The following POGLUT3 variants were observed in gnomAD, a reference collection of about 807,000 sequenced individuals.
The protein encoded by POGLUT3 is protein O-glucosyltransferase 3, also known as KDEL (Lys-Asp-Glu-Leu) containing 2.
POGLUT3 carries 48 observed loss-of-function variants against 54.3 expected under a neutral mutation model. That is an observed-to-expected ratio of 0.88 (90% CI 0.70 to 1.12). POGLUT3 has a LOEUF of 1.12. Among genes scored for constraint, POGLUT3 ranks in the 50% most tolerant of loss-of-function variants. The pLI is 0.00. For missense variants in POGLUT3, 629 were observed against 618.7 expected, an observed-to-expected ratio of 1.02 and a Z score of -0.18; for synonymous variants, 218 against 237.4, an observed-to-expected ratio of 0.92 and a Z score of 0.75.
At chr11:108,476,344 G>T (rs1279698037) in intron 7 of POGLUT3, among the ~76,000 whole-genome samples, 2 of 152,054 alleles carry the variant, frequency 1.3e-5, no homozygotes, top group African/African-American at 4.8e-5. Flanking sequence ...TGATGGCCAG[G>T]CTGGTCTTGA....
chr11:108,475,849 T>C (rs1021138790), intron 7 of POGLUT3, among the ~76,000 whole-genome samples: 1 of 152,098 alleles, frequency 6.6e-6, no homozygotes, highest in Non-Finnish European at 1.5e-5. Flanking sequence ...CAACAAAATG[T>C]TGACACAGTA....
rs1268350455 is a variant in POGLUT3, at chr11:108,474,393, T to G, written c.*434A>C. On this transcript the variant is annotated 3_prime_UTR_variant, in exon 8 of 8. Coordinates refer to ENST00000323468, the MANE Select transcript of POGLUT3 (RefSeq NM_153705.5). ...AAATACCCCAAAATCCAAAACTTTT[T>G]GAGTGCTGACACCACCACTTGGGTC... 6.6e-6 allele frequency: 1 copy of G among 152,316 alleles called. No individual in the cohort carries two copies. Among genetic ancestry groups the G allele is most frequent in the Non-Finnish European group, 1.5e-5 (1 of 68,110 alleles). The allele number at this position is 152,316 out of a possible 1,614,324, so 9.4% of individuals were successfully genotyped here. A position where few individuals can be genotyped will look rare whatever the true frequency, so the allele number is the denominator to read the frequency against.
intron 6 of POGLUT3, 141 bp downstream of exon 6, chr11:108,479,160 A>G (rs1309958672): frequency 8.3e-6 from 5 of 605,054 alleles, no homozygotes; most frequent in Non-Finnish European, 1.4e-5. Context: ...GATTCTTTAG[A>G]TATTTCAAGG....
intron 3 of POGLUT3, among the ~76,000 whole-genome samples, chr11:108,483,647 C>A (rs1243425574): frequency 1.3e-5 from 2 of 151,950 alleles, no homozygotes; most frequent in Admixed American, 6.6e-5. Flanking sequence ...GAATATTCAC[C>A]CTCTTGCTTC....
chr11:108,473,008 T>C lies in POGLUT3; in HGVS notation c.*1819A>G, dbSNP rs1218926517. 1 of 152,212 alleles carries C rather than the reference T, an allele frequency of 6.6e-6. No individual in the cohort carries two copies. The highest frequency in any genetic ancestry group is 6.5e-5 in the Admixed American group (1 of 15,270). The allele number at this position is 152,212 out of a possible 1,614,324, so 9.4% of individuals were successfully genotyped here. ...GTAACCACTTTAAAAATAGTTACAT[T>C]GTTTTCCAGATTAAGTAAATATTTC... On this transcript the variant is annotated 3_prime_UTR_variant, in exon 8 of 8. Coordinates refer to ENST00000323468, the MANE Select transcript of POGLUT3 (RefSeq NM_153705.5).
At chr11:108,486,504 C>A in intron 2 of POGLUT3, 64 bp from the exon 3 acceptor site, 1 of 1,478,992 alleles carries the variant, frequency 6.8e-7, no homozygotes, top group Admixed American at 1.9e-5. Context: ...CAGGGAGTCA[C>A]TTCTGTCTCT....
intron 2 of POGLUT3, 52 bp from the exon 3 acceptor site, chr11:108,486,492 C>T (rs1157096120): frequency 6.5e-7 from 1 of 1,542,096 alleles, no homozygotes; most frequent in African/African-American, 1.4e-5. Context: ...AGCACCACAA[C>T]ACAGGGAGTC....
At chr11:108,498,036 T>C (rs2093625454) in intron 1 of POGLUT3, 129 bp downstream of exon 1, 1 of 748,572 alleles carries the variant, frequency 1.3e-6, no homozygotes, top group Non-Finnish European at 2.0e-6. Context: ...GAAGAGGAGC[T>C]GACCAGACCC....
At chr11:108,475,104 G>A in intron 7 of POGLUT3, 152 bp from the exon 8 acceptor site, 1 of 749,320 alleles carries the variant, frequency 1.3e-6, no homozygotes, top group Non-Finnish European at 2.2e-6. Flanking sequence ...CAGTCCTAAA[G>A]TTACATTTTA....
chr11:108,475,463 GTTTTTGTT>G (rs1212341421), intron 7 of POGLUT3, among the ~76,000 whole-genome samples: 2 of 109,926 alleles, frequency 1.8e-5, no homozygotes, highest in Non-Finnish European at 3.6e-5. Flanking sequence ...AGTTTTTTTT[GTTTTTGTT>G]TTTTTTTTTT....
At position 108,481,240 on chromosome 11, in the gene POGLUT3, G is replaced by A; in HGVS notation, c.1038C>T (p.Phe346=). ...TTCCAAGCTCCTTTTCTTTCTCTTG[G>A]AAAAAGAAATATCCTGTAATTCCTG... ...LDAGITGYFF[F]QEKEKELGKA... Residue 346 remains phenylalanine (F), a synonymous_variant, in exon 5 of 8, where the codon TTC becomes TTT. Transcript: ENST00000323468. 1 of 1,611,344 alleles carries A rather than the reference G, an allele frequency of 6.2e-7. No homozygotes were observed. Among genetic ancestry groups the A allele is most frequent in the South Asian group, 1.1e-5 (1 of 90,560 alleles).
Position 108,486,458 on chromosome 11 carries a change from G to C in POGLUT3, c.401-18C>G. ...CACTGGTCCTAGGGAAGGAAAACAT[G>C]AAAAAGGCCGCACTCCATTAGCAAG... is the stretch of plus-strand genomic sequence containing the variant. On this transcript the variant is annotated intron_variant, in intron 2 of 7. Transcript: ENST00000323468. 6.2e-7 allele frequency: 1 copy of C among 1,608,036 alleles called. No homozygotes were observed. Among genetic ancestry groups the C allele is most frequent in the Non-Finnish European group, 8.5e-7 (1 of 1,176,212 alleles).
rs1235407810 is a variant in POGLUT3 at position 108,498,329 on chromosome 11, C to G, written c.38G>C (p.Arg13Pro). Reference protein sequence around the residue: ...RLPRALLLQLRLALLVAAGAP... With the variant: ...RLPRALLLQLPLALLVAAGAP... ...CCCCGCGGCCACCAGCAGGGCGAGG[C>G]GCAGCTGCAGCAGCAGGGCCCGCGG... Residue 13 changes from arginine to proline, a missense_variant, in exon 1 of 8, where the codon CGC (arginine) becomes CCC (proline). Physicochemically the swap from Arg to Pro is moderately radical, Grantham distance 103. Transcript: ENST00000323468. The G allele has an allele frequency of 1.4e-6, 2 of 1,398,038 alleles. No homozygotes were observed. The highest frequency in any genetic ancestry group is 3.0e-5 in the African/African-American group (2 of 65,912). The allele number at this position is 1,398,038 out of a possible 1,614,324, so 86.6% of individuals were successfully genotyped here.
intron 3 of POGLUT3, among the ~76,000 whole-genome samples, chr11:108,483,835 A>G (rs760717277): frequency 6.6e-6 from 1 of 151,894 alleles, no homozygotes; most frequent in Non-Finnish European, 1.5e-5. Flanking sequence ...CACCCGGCTA[A>G]TTTTTGTATT....
rs1254345114 is a variant in POGLUT3, at chr11:108,486,322, G to C, written c.519C>G (p.Ile173Met). ...IAKDFASFPSINLQQMLKEVP... is the reference protein window; with the variant it reads ...IAKDFASFPSMNLQQMLKEVP... The stretch of plus-strand genomic sequence containing the variant: ...CTTCTTTTAGCATTTGCTGGAGATT[G>C]ATGCTGGGAAAGGAAGCAAAATCTT... Residue 173 changes from isoleucine (I) to methionine (M), a missense_variant, in exon 3 of 8, where the codon ATC (isoleucine) becomes ATG (methionine). Physicochemically the swap from Ile to Met is conservative, Grantham distance 10 (BLOSUM62 1). Coordinates refer to ENST00000323468, the MANE Select transcript of POGLUT3 (RefSeq NM_153705.5). 9 of 1,614,020 alleles carry C rather than the reference G, an allele frequency of 5.6e-6. No individual in the cohort carries two copies. In the South Asian group the frequency reaches 7.7e-5, roughly 14 times the overall value.
In POGLUT3 at chr11:108,472,657, T is replaced by C. The variant is rs2093571904; in HGVS notation, c.*2170A>G. 6.6e-6 allele frequency: 1 copy of C among 152,210 alleles called. No individual in the cohort carries two copies. Among genetic ancestry groups the C allele is most frequent in the African/African-American group, 2.4e-5 (1 of 41,460 alleles). 9.4% of individuals were successfully genotyped at this position (152,210 alleles called of 1,614,324 possible). A position where few individuals can be genotyped will look rare whatever the true frequency, so the allele number is the denominator to read the frequency against. On this transcript the variant is annotated 3_prime_UTR_variant, in exon 8 of 8. Transcript: ENST00000323468. Reference sequence around the variant, plus strand: ...TTAGGCCTGTTTGGCAGAGGCAATATAAATTTTTAAAAATGTAAGATGTTT... The same window carrying C: ...TTAGGCCTGTTTGGCAGAGGCAATACAAATTTTTAAAAATGTAAGATGTTT...
intron 6 of POGLUT3, among the ~76,000 whole-genome samples, chr11:108,478,724 C>G (rs532863591): frequency 6.6e-6 from 1 of 152,174 alleles, no homozygotes; most frequent in Non-Finnish European, 1.5e-5. Context: ...GCCTCAGGCG[C>G]CCAATTATTT....
chr11:108,484,933 C>T (rs1030710696), intron 3 of POGLUT3, among the ~76,000 whole-genome samples: 2 of 151,652 alleles, frequency 1.3e-5, no homozygotes, highest in African/African-American at 4.9e-5. Context: ...GAAAGAGAGG[C>T]TGAATAGTGA....
chr11:108,474,863 CTGGCAGA>C lies in POGLUT3; in HGVS notation c.1481_1487del (p.Ile494SerfsTer31). 1 of 1,614,152 alleles carries C rather than the reference CTGGCAGA, an allele frequency of 6.2e-7. No homozygotes were observed. Among genetic ancestry groups the C allele is most frequent in the Non-Finnish European group, 8.5e-7 (1 of 1,180,008 alleles). On this transcript the variant is annotated frameshift_variant, in exon 8 of 8. Transcript: ENST00000323468. LOFTEE classifies it high-confidence loss of function. Reference sequence around the variant, plus strand: ...CTCTTGAAGGCTTTTTCCTGTGGCACTGGCAGATGGCTGTGCTATCTTCTGGCTGAGG... The same window carrying C: ...CTCTTGAAGGCTTTTTCCTGTGGCACTGGCTGTGCTATCTTCTGGCTGAGG...
Sources: gnomAD v4.1 joint callset for allele counts (sites outside exome capture counted in the v4.1 genomes callset) on GRCh38, gnomAD v4.1.1 for gene constraint, MANE v1.5 for transcripts, NCBI Gene and HGNC (gene_info 2026-07-23, HGNC 2026-07-21) for gene names.